The following VEPH1 variants were observed in gnomAD, a reference collection of about 807,000 sequenced individuals.
The protein encoded by VEPH1 is ventricular zone-expressed PH domain-containing protein homolog 1.
In VEPH1, 80 loss-of-function variants were observed where a neutral mutation model predicts 85.2. The observed-to-expected ratio is 0.94, with a 90% CI of 0.78 to 1.13. The LOEUF (loss-of-function observed/expected upper bound fraction) is 1.13. Ranked by LOEUF, VEPH1 falls within the 50% of genes most tolerant of loss-of-function variation. The probability of loss-of-function intolerance (pLI) is 0.00; values close to 1 mark genes in which losing one functional copy is unlikely to be tolerated. For synonymous variants in VEPH1, 297 were observed against 348.0 expected (o/e 0.85, Z 1.63); for missense variants, 955 against 980.5 (o/e 0.97, Z 0.35).
intron 9 of VEPH1, among the ~76,000 whole-genome samples, chr3:157,344,621 G>T (rs1433970346): frequency 6.6e-6 from 1 of 152,244 alleles, no homozygotes; most frequent in Non-Finnish European, 1.5e-5. Flanking sequence ...TATAGATCCA[G>T]TGCCATCCCC....
chr3:157,475,435 A>G (rs1467725377), intron 2 of VEPH1, among the ~76,000 whole-genome samples: 1 of 152,260 alleles, frequency 6.6e-6, no homozygotes, highest in Non-Finnish European at 1.5e-5. Context: ...TATGATAGAT[A>G]CATTTGGCCT....
chr3:157,415,885 T>C (rs1407162848), intron 5 of VEPH1, among the ~76,000 whole-genome samples: 1 of 152,096 alleles, frequency 6.6e-6, no homozygotes, highest in Admixed American at 6.6e-5. Flanking sequence ...TGAACTGTTA[T>C]TTCCTTAAGA....
chr3:157,458,620 T>C (rs2109350099), intron 4 of VEPH1, among the ~76,000 whole-genome samples: 1 of 152,360 alleles, frequency 6.6e-6, no homozygotes, highest in East Asian at 1.9e-4. Context: ...AGAAGCTCTC[T>C]AATTCAATTA....
intron 2 of VEPH1, among the ~76,000 whole-genome samples, chr3:157,475,174 T>G (rs1737349131): frequency 7.7e-6 from 1 of 130,662 alleles, no homozygotes; most frequent in Non-Finnish European, 1.6e-5. Flanking sequence ...TTTTTTTTTG[T>G]AGAGATGGAG....
chr3:157,414,927 A>T (rs1731786545), intron 5 of VEPH1, among the ~76,000 whole-genome samples: 1 of 152,090 alleles, frequency 6.6e-6, no homozygotes, highest in African/African-American at 2.4e-5. Context: ...TTTTTTGAGT[A>T]GGGTAGACTT....
intron 4 of VEPH1, chr3:157,442,397 T>G (rs757947292): frequency 6.2e-7 from 1 of 1,613,524 alleles, no homozygotes; most frequent in Non-Finnish European, 8.5e-7. Flanking sequence ...TCCCAATGCG[T>G]TCCAAGAAGA....
intron 9 of VEPH1, among the ~76,000 whole-genome samples, chr3:157,317,505 A>C (rs897023907): frequency 2.6e-5 from 4 of 152,236 alleles, no homozygotes; most frequent in African/African-American, 9.6e-5. Flanking sequence ...ATCTGATGGG[A>C]TACCTTGAAG....
rs781434939 is a variant in VEPH1 at position 157,261,280 on chromosome 3, G to A, written c.2356C>T (p.Arg786Trp). 2.7e-5 allele frequency: 44 copies of A among 1,613,482 alleles called. No individual in the cohort carries two copies. The highest frequency in any genetic ancestry group is 1.7e-4 in the Admixed American group (10 of 59,898). ...TTGTCTGTGAAGATTTCGAAAGCCC[G>A]GGGGAGAGAGCGGTCCCTGCGTTTC... is the stretch of plus-strand genomic sequence containing the variant. ...AKKRRDRSLPRAFEIFTDNKT... is the reference protein window; with the variant it reads ...AKKRRDRSLPWAFEIFTDNKT... Residue 786 changes from arginine (R) to tryptophan (W), a missense_variant, in exon 14 of 14, where the codon CGG (arginine) becomes TGG (tryptophan). Physicochemically the swap from Arg to Trp is moderately radical, Grantham distance 101 (BLOSUM62 -3). Transcript: ENST00000362010.
At chr3:157,411,171 G>A (rs1009487215) in intron 6 of VEPH1, among the ~76,000 whole-genome samples, 1 of 152,144 alleles carries the variant, frequency 6.6e-6, no homozygotes, top group Non-Finnish European at 1.5e-5. Flanking sequence ...TTGCTTTCTG[G>A]TGCACTCAGG....
intron 9 of VEPH1, among the ~76,000 whole-genome samples, chr3:157,321,572 G>A (rs1318098051): frequency 3.3e-5 from 5 of 152,202 alleles, no homozygotes; most frequent in Non-Finnish European, 7.3e-5. Context: ...CCAGATGCCA[G>A]AGCCTATTCT....
At chr3:157,411,451 G>C (rs1189356942) in intron 6 of VEPH1, among the ~76,000 whole-genome samples, 2 of 152,150 alleles carry the variant, frequency 1.3e-5, no homozygotes, top group Non-Finnish European at 1.5e-5. Context: ...AAATCTAAGA[G>C]AGAAAGCACC....
At chr3:157,349,186 T>C (rs1388541537) in intron 9 of VEPH1, among the ~76,000 whole-genome samples, 2 of 152,356 alleles carry the variant, frequency 1.3e-5, no homozygotes, top group South Asian at 4.1e-4. Context: ...TAATACACCA[T>C]GATTAAGTGA....
chr3:157,452,807 G>C (rs1407625245), intron 4 of VEPH1, among the ~76,000 whole-genome samples: 1 of 152,172 alleles, frequency 6.6e-6, no homozygotes, highest in Non-Finnish European at 1.5e-5. Flanking sequence ...GCTTCAGCTT[G>C]CTCACTTACA....
At chr3:157,469,807 AT>A (rs1207075437) in intron 3 of VEPH1, among the ~76,000 whole-genome samples, 4 of 152,234 alleles carry the variant, frequency 2.6e-5, no homozygotes, top group African/African-American at 9.6e-5. Context: ...CCAAATTCAC[AT>A]TTATACCAGA....
At chr3:157,398,825 C>T (rs1400816823) in intron 6 of VEPH1, among the ~76,000 whole-genome samples, 3 of 152,054 alleles carry the variant, frequency 2.0e-5, no homozygotes, top group African/African-American at 4.8e-5. Context: ...CAGCAGCTTG[C>T]ACAGTAGTTT....
chr3:157,406,225 A>G (rs1731129855), intron 6 of VEPH1, among the ~76,000 whole-genome samples: 1 of 152,164 alleles, frequency 6.6e-6, no homozygotes, highest in Non-Finnish European at 1.5e-5. Context: ...CATTGAACCT[A>G]CCAATGTTTT....
At chr3:157,277,626 A>G (rs926777376) in intron 12 of VEPH1, among the ~76,000 whole-genome samples, 5 of 152,230 alleles carry the variant, frequency 3.3e-5, no homozygotes, top group African/African-American at 1.2e-4. Flanking sequence ...TAATGTCTGC[A>G]CTGGAAGCCT....
chr3:157,283,024 T>G lies in VEPH1; in HGVS notation c.2128+3533A>C, dbSNP rs138692238. Reference sequence around the variant, plus strand: ...AGGAAATAGATTCTACTGTAATCATTTCCTGCAAGTAATAATTTCTCACAC... The same window carrying G: ...AGGAAATAGATTCTACTGTAATCATGTCCTGCAAGTAATAATTTCTCACAC... On this transcript the variant is annotated intron_variant, in intron 12 of 13. Coordinates refer to ENST00000362010, the MANE Select transcript of VEPH1 (RefSeq NM_001167912.2). 3.2e-3 allele frequency among the ~76,000 whole-genome samples: 488 copies of G among 152,364 alleles called. 1 individual carries two copies. Among genetic ancestry groups the G allele is most frequent in the African/African-American group, 0.011 (453 of 41,596 alleles).
intron 2 of VEPH1, among the ~76,000 whole-genome samples, chr3:157,492,143 G>A (rs1349507318): frequency 6.6e-6 from 1 of 152,104 alleles, no homozygotes; most frequent in African/African-American, 2.4e-5. Flanking sequence ...ATCTTTTGAT[G>A]GGTGACTTTG....
Sources: gnomAD v4.1 joint callset for allele counts (sites outside exome capture counted in the v4.1 genomes callset) on GRCh38, gnomAD v4.1.1 for gene constraint, MANE v1.5 for transcripts, NCBI Gene and HGNC (gene_info 2026-07-23, HGNC 2026-07-21) for gene names.